The following WNK2 variants were observed in gnomAD, a reference collection of about 807,000 sequenced individuals.
WNK2 encodes the protein serine/threonine-protein kinase WNK2.
In WNK2, 67 loss-of-function variants were observed where a neutral mutation model predicts 192.1. The observed-to-expected ratio is 0.35, with a 90% confidence interval of 0.29 to 0.43. The LOEUF is 0.43. Ranked by LOEUF, WNK2 falls within the 20% of genes least tolerant of loss-of-function variation. The pLI, the probability that WNK2 is intolerant of heterozygous loss-of-function variation, is 1.00. For synonymous variants in WNK2, 1,439 were observed against 1,393.9 expected (o/e 1.03, Z -0.72); for missense variants, 2,698 against 3,089.7 (o/e 0.87, Z 3.01).
rs1162962343 is a variant in WNK2, at chr9:93,289,141, G to T, written c.4387G>T (p.Ala1463Ser). 6.2e-7 allele frequency: 1 copy of T among 1,601,050 alleles called. No homozygotes were observed. The highest frequency in any genetic ancestry group is 1.7e-5 in the Admixed American group (1 of 59,364). The change falls in exon 20 of 30, where the codon GCC (alanine) becomes TCC (serine). Residue 1463 changes from alanine to serine, a missense_variant. Physicochemically the swap from Ala to Ser is moderately conservative, Grantham distance 99. Transcript: ENST00000427277. Reference sequence around the variant, plus strand: ...ACCTTGCACTCCAGCTCCAGAGGCTGCCTCAACCAGGGACGCCAGTGCCCC... The same window carrying T: ...ACCTTGCACTCCAGCTCCAGAGGCTTCCTCAACCAGGGACGCCAGTGCCCC... ...LAPCTPAPEA[A>S]STRDASAPRE...
At chr9:93,195,893 G>A (rs1250960607) in intron 2 of WNK2, among the ~76,000 whole-genome samples, 1 of 152,066 alleles carries the variant, frequency 6.6e-6, no homozygotes, top group Non-Finnish European at 1.5e-5. Flanking sequence ...TGTCTTTAAA[G>A]CTATTGTTTT....
chr9:93,249,933 T>A (rs924081792), intron 8 of WNK2, among the ~76,000 whole-genome samples: 1 of 144,838 alleles, frequency 6.9e-6, no homozygotes, highest in South Asian at 2.3e-4. Context: ...TTTTTTTTTT[T>A]AAAGACAGTC....
chr9:93,289,705 G>C, intron 20 of WNK2, 85 bp downstream of exon 20: 1 of 1,338,798 alleles, frequency 7.5e-7, no homozygotes, highest in Non-Finnish European at 9.9e-7. Context: ...CAGGCATCTT[G>C]GCTATGCAGA....
chr9:93,230,881 C>T lies in WNK2; in HGVS notation c.855-7C>T, dbSNP rs1838688069. ...GCTTGGTGAGCTGTGCCCGTGAACC[C>T]CTGCAGATACCTGAAGCGGTTCAAG... On this transcript the variant is annotated splice_region_variant and splice_polypyrimidine_tract_variant and intron_variant, in intron 3 of 29. Transcript: ENST00000427277. 1 of 1,610,968 alleles carries T rather than the reference C, an allele frequency of 6.2e-7. No homozygotes were observed. The highest frequency in any genetic ancestry group is 1.3e-5 in the African/African-American group (1 of 74,870).
Position 93,247,520 on chromosome 9 carries a change from T to C in WNK2, c.1543-23T>C. 1 of 1,604,314 alleles carries C rather than the reference T, an allele frequency of 6.2e-7. No homozygotes were observed. Among genetic ancestry groups the C allele is most frequent in the Non-Finnish European group, 8.5e-7 (1 of 1,175,644 alleles). Reference sequence around the variant, plus strand: ...GGTGAGGGCTGATCCCCAGCGATGCTGACAACATGACTGCCTTTACAGATT... The same window carrying C: ...GGTGAGGGCTGATCCCCAGCGATGCCGACAACATGACTGCCTTTACAGATT... On this transcript the variant is annotated intron_variant, in intron 7 of 29. Coordinates refer to ENST00000427277, the MANE Select transcript of WNK2 (RefSeq NM_006648.4). The surrounding 1 kb of genome is among the most constrained non-coding windows in gnomAD (Gnocchi z 5.2).
At chr9:93,191,870 CAAA>C (rs1830389977) in intron 2 of WNK2, among the ~76,000 whole-genome samples, 1 of 151,786 alleles carries the variant, frequency 6.6e-6, no homozygotes, top group African/African-American at 2.4e-5. Flanking sequence ...ACTAAAAATA[CAAA>C]AAAATTAGCC....
At chr9:93,213,477 G>A (rs765370010) in intron 2 of WNK2, among the ~76,000 whole-genome samples, 2 of 152,230 alleles carry the variant, frequency 1.3e-5, no homozygotes, top group East Asian at 1.9e-4. Context: ...TTACAAATTC[G>A]TTATAGATTC....
chr9:93,303,464 G>A (rs767596098), intron 26 of WNK2, among the ~76,000 whole-genome samples: 17 of 152,300 alleles, frequency 1.1e-4, no homozygotes, highest in Admixed American at 4.6e-4. Context: ...GGGACCCTCC[G>A]GTGTCACTGC....
At chr9:93,316,190 G>A (rs1854631868) in intron 28 of WNK2, 1 of 152,210 alleles carries the variant, frequency 6.6e-6, no homozygotes. Context: ...CATGACTGAA[G>A]TTTTCTAGGA....
In WNK2 at chr9:93,268,708, C is replaced by G; in HGVS notation, c.3995C>G (p.Pro1332Arg). Residue 1332 changes from proline (P) to arginine (R), a missense_variant, in exon 19 of 30, where the codon CCA (proline) becomes CGA (arginine). Pro to Arg is a moderately radical substitution (Grantham distance 103). Around this residue, in one of 7 missense-constraint regions of WNK2, gnomAD observed 1,098 missense variants for 1,101.0 expected, o/e 1.00. Coordinates refer to ENST00000427277, the MANE Select transcript of WNK2 (RefSeq NM_006648.4). ...CCCGAGGCCCCTGAATCTTCGCCCC[C>G]ACTTCCTCTAAGCTCCCTGCCGCCA... The part of the protein sequence containing the change: ...PAPEAPESSP[P>R]LPLSSLPPEA... The G allele has an allele frequency of 6.2e-7, 1 of 1,613,400 alleles. No individual in the cohort carries two copies. Among genetic ancestry groups the G allele is most frequent in the South Asian group, 1.1e-5 (1 of 90,984 alleles).
At chr9:93,192,686 T>A (rs544478519) in intron 2 of WNK2, among the ~76,000 whole-genome samples, 2 of 152,084 alleles carry the variant, frequency 1.3e-5, no homozygotes, top group African/African-American at 4.8e-5. Flanking sequence ...ATTCATACAA[T>A]GGGCAGCAGA....
intron 2 of WNK2, among the ~76,000 whole-genome samples, chr9:93,187,948 G>A (rs1246863459): frequency 2.6e-5 from 4 of 152,144 alleles, no homozygotes; most frequent in African/African-American, 7.2e-5. Flanking sequence ...AGGGAAGGGT[G>A]ACAGGTGGGT....
At chr9:93,245,854 T>A (rs1012992648) in intron 7 of WNK2, among the ~76,000 whole-genome samples, 1 of 152,184 alleles carries the variant, frequency 6.6e-6, no homozygotes, top group Non-Finnish European at 1.5e-5. Flanking sequence ...GATCAGGTGT[T>A]GGCCTGGGCT....
chr9:93,230,749 C>A, intron 3 of WNK2, 139 bp from the exon 4 acceptor site: 1 of 821,920 alleles, frequency 1.2e-6, no homozygotes, highest in Non-Finnish European at 1.9e-6. Context: ...CCCGTCTCAC[C>A]TTCACTACCT....
chr9:93,253,686 G>A (rs1182070822), intron 9 of WNK2, among the ~76,000 whole-genome samples: 1 of 152,210 alleles, frequency 6.6e-6, no homozygotes, highest in Non-Finnish European at 1.5e-5. Context: ...CAGGGAGCAC[G>A]TGTGGCAAAG....
chr9:93,318,609 T>TG, intron 29 of WNK2: 1 of 1,601,548 alleles, frequency 6.2e-7, no homozygotes, highest in Non-Finnish European at 8.5e-7. Flanking sequence ...GCCCACCCTG[T>TG]GGAGACAAGT....
At chr9:93,283,950 G>T (rs934598371) in intron 19 of WNK2, among the ~76,000 whole-genome samples, 1 of 152,220 alleles carries the variant, frequency 6.6e-6, no homozygotes, top group African/African-American at 2.4e-5. Context: ...TAATGAGAAA[G>T]ATGGACTCAC....
rs374664330 is a variant in WNK2 at position 93,289,212 on chromosome 9, C to T, written c.4458C>T (p.Ser1486=). Residue 1486 remains serine, a synonymous_variant, in exon 20 of 30, where the codon AGC becomes AGT. Transcript: ENST00000427277. ...CTGCACCTGAGCCCAGCCCCCACAG[C>T]GGGACCCCACAGCCCGCCTTGGGTC... ...PPPAPEPSPH[S]GTPQPALGQP... 173 of 1,603,780 alleles carry T rather than the reference C, an allele frequency of 1.1e-4. No homozygotes were observed. Among genetic ancestry groups the T allele is most frequent in the Non-Finnish European group, 1.3e-4 (156 of 1,177,980 alleles).
chr9:93,306,883 C>CAA, intron 27 of WNK2, 62 bp downstream of exon 27: 2 of 1,609,726 alleles, frequency 1.2e-6, no homozygotes, highest in Non-Finnish European at 1.7e-6. Flanking sequence ...TCGTGGCTAG[C>CAA]GCACATCAGG....
Sources: allele counts gnomAD v4.1 joint callset (sites outside exome capture counted in the v4.1 genomes callset), GRCh38; gene constraint gnomAD v4.1.1; regional missense constraint gnomAD v4.1.1; non-coding constraint Gnocchi (gnomAD v3.1); transcripts MANE v1.5; gene names NCBI Gene and HGNC (gene_info 2026-07-23, HGNC 2026-07-21).